COL4A1: variants seen among roughly 807,000 people sequenced by gnomAD.
COL4A1 encodes the protein collagen alpha-1(IV) chain.
In COL4A1, 40 loss-of-function variants were observed where a neutral mutation model predicts 216.6. That is an observed-to-expected ratio of 0.18 (90% CI 0.14 to 0.24). The LOEUF (loss-of-function observed/expected upper bound fraction) is 0.24. Ranked by LOEUF, COL4A1 falls within the 10% of genes least tolerant of loss-of-function variation. The probability of loss-of-function intolerance (pLI) is 1.00; values close to 1 mark genes in which losing one functional copy is unlikely to be tolerated. For synonymous variants in COL4A1, 839 were observed against 810.7 expected (o/e 1.03, Z -0.59); for missense variants, 1,628 against 2,196.8 (o/e 0.74, Z 5.18).
intron 21 of COL4A1, 78 bp from the exon 22 acceptor site, chr13:110,195,196 C>T (rs763431965): frequency 3.7e-5 from 44 of 1,185,550 alleles, no homozygotes; most frequent in Non-Finnish European, 5.5e-5. Context: ...TATTATAAAA[C>T]CAAAATATTT....
At chr13:110,227,360 G>A (rs1397613691) in intron 2 of COL4A1, among the ~76,000 whole-genome samples, 1 of 150,082 alleles carries the variant, frequency 6.7e-6, no homozygotes, top group East Asian at 2.0e-4. Flanking sequence ...TCAATTGGGC[G>A]ATAGATGACC....
In COL4A1 at chr13:110,164,452, A is replaced by G. The variant is rs111656034; in HGVS notation, c.4150+410T>C. On this transcript the variant is annotated intron_variant, in intron 46 of 51. Transcript: ENST00000375820. Reference sequence around the variant, plus strand: ...GACTATGTTAGGGTTTCAGGAAATAACAGAGAATTGTACAGACAGTGCCAA... The same window carrying G: ...GACTATGTTAGGGTTTCAGGAAATAGCAGAGAATTGTACAGACAGTGCCAA... Among the ~76,000 whole-genome samples the G allele has an allele frequency of 4.0e-3, 611 of 152,336 alleles. 18 individuals are homozygous for G. In the East Asian group the frequency reaches 0.077, roughly 19 times the overall value.
intron 40 of COL4A1, 135 bp downstream of exon 40, chr13:110,173,765 T>G (rs1250200461): frequency 2.5e-5 from 24 of 954,228 alleles, no homozygotes; most frequent in Non-Finnish European, 4.0e-5. Context: ...TCCACATCAG[T>G]GTTTAAGTAG....
At position 110,166,292 on chromosome 13, in the gene COL4A1, G is replaced by A. The variant is rs1489205141; in HGVS notation, c.3961C>T (p.Leu1321Phe). The stretch of plus-strand genomic sequence containing the variant: ...CCTTTAATTCCCTGGAGGCCAGGAA[G>A]ACCTTTTGGACCTAAAAGCAGAGGG... Reference protein sequence around the residue: ...GVPGFQGPKGLPGLQGIKGDQ... With the variant: ...GVPGFQGPKGFPGLQGIKGDQ... Residue 1321 changes from leucine to phenylalanine, a missense_variant, in exon 45 of 52, where the codon CTT becomes TTT. By Grantham distance (22) the Leu-to-Phe change is conservative. Transcript: ENST00000375820. 5.0e-6 allele frequency: 8 copies of A among 1,608,706 alleles called. No homozygotes were observed. Among genetic ancestry groups the A allele is most frequent in the Non-Finnish European group, 6.8e-6 (8 of 1,175,130 alleles).
chr13:110,284,874 A>T (rs1274909222), intron 1 of COL4A1, among the ~76,000 whole-genome samples: 1 of 152,252 alleles, frequency 6.6e-6, no homozygotes, highest in Non-Finnish European at 1.5e-5. Flanking sequence ...ATGAACAGTG[A>T]CAAGTGCCAG....
chr13:110,160,154 C>T (rs1001186738), intron 49 of COL4A1, among the ~76,000 whole-genome samples: 9 of 149,606 alleles, frequency 6.0e-5, no homozygotes, highest in Non-Finnish European at 8.9e-5. Context: ...TAAAAAAATT[C>T]ATAGGGGGCC....
At chr13:110,270,207 C>G (rs1057279901) in intron 1 of COL4A1, among the ~76,000 whole-genome samples, 7 of 152,226 alleles carry the variant, frequency 4.6e-5, no homozygotes, top group Non-Finnish European at 7.3e-5. Context: ...CTACCTGAAA[C>G]TGACCTGTGT....
At chr13:110,296,147 T>C (rs561823064) in intron 1 of COL4A1, among the ~76,000 whole-genome samples, 1 of 152,390 alleles carries the variant, frequency 6.6e-6, no homozygotes, top group South Asian at 2.1e-4. Flanking sequence ...TGAGTGGCTA[T>C]GATGGATCTC....
At chr13:110,218,086 G>C (rs1034673158) in intron 2 of COL4A1, among the ~76,000 whole-genome samples, 1 of 152,054 alleles carries the variant, frequency 6.6e-6, no homozygotes, top group African/African-American at 2.4e-5. Flanking sequence ...AAATACCCAG[G>C]ACAGCTGAAG....
intron 33 of COL4A1, 37 bp from the exon 34 acceptor site, chr13:110,177,074 C>T (rs1200819099): frequency 6.2e-7 from 1 of 1,610,940 alleles, no homozygotes; most frequent in Admixed American, 1.7e-5. Context: ...GAGCCTGGGC[C>T]AGTGTCACAG....
intron 21 of COL4A1, among the ~76,000 whole-genome samples, chr13:110,198,191 GT>G (rs1878996160): frequency 6.6e-6 from 1 of 151,642 alleles, no homozygotes; most frequent in African/African-American, 2.4e-5. Context: ...TAACTCAACA[GT>G]TTTGCTTTTT....
At chr13:110,190,127 C>A (rs1566360966) in intron 24 of COL4A1, among the ~76,000 whole-genome samples, 2 of 151,836 alleles carry the variant, frequency 1.3e-5, no homozygotes, top group African/African-American at 4.8e-5. Context: ...ACAATGATGA[C>A]CTTGCCTGCC....
At chr13:110,256,033 T>C (rs573808373) in intron 1 of COL4A1, among the ~76,000 whole-genome samples, 44 of 152,206 alleles carry the variant, frequency 2.9e-4, no homozygotes, top group Admixed American at 9.8e-4. Context: ...ATTAGACAAA[T>C]TTTATGTGAA....
intron 19 of COL4A1, 92 bp downstream of exon 19, chr13:110,201,346 G>GGAGGGGGGGGAGGA (rs1566369935): frequency 1.4e-6 from 1 of 691,648 alleles, no homozygotes; most frequent in African/African-American, 2.0e-5. Context: ...GGAGGAACAG[G>GGAGGGGGGGGAGGA]AGGAGGAGGA....
intron 47 of COL4A1, among the ~76,000 whole-genome samples, chr13:110,163,108 T>C (rs1877162381): frequency 6.6e-6 from 1 of 152,230 alleles, no homozygotes; most frequent in Non-Finnish European, 1.5e-5. Flanking sequence ...TCCCATGCCT[T>C]TGGGCCAATG....
Position 110,306,909 on chromosome 13 carries a change from C to A in COL4A1, c.84+35G>T, listed in dbSNP as rs1245268372. ...CCTCTCGGGGCGCCCAAGCTCGGGG[C>A]GGGACGCCGGGAGCGGAGCTGGCCG... On this transcript the variant is annotated intron_variant, in intron 1 of 51. Transcript: ENST00000375820. 3 of 1,441,028 alleles carry A rather than the reference C, an allele frequency of 2.1e-6. No homozygotes were observed. In the East Asian group the frequency reaches 9.0e-5, roughly 43 times the overall value. 89.3% of individuals were successfully genotyped at this position (1,441,028 alleles called of 1,614,324 possible). A position where few individuals can be genotyped will look rare whatever the true frequency, so the allele number is the denominator to read the frequency against.
In COL4A1 at chr13:110,227,913, G is replaced by C. The variant is rs531123142; in HGVS notation, c.145-13898C>G. Among the ~76,000 whole-genome samples, 14 of 152,344 alleles carry C rather than the reference G, an allele frequency of 9.2e-5. No homozygotes were observed. In the East Asian group the frequency reaches 2.7e-3, roughly 29 times the overall value. On this transcript the variant is annotated intron_variant, in intron 2 of 51. Coordinates refer to ENST00000375820, the MANE Select transcript of COL4A1 (RefSeq NM_001845.6). ...CGGGTCTCCGGGGAGGCCCGCTGTG[G>C]AGGAGCTGATCCCAGAGCCCTTCCT...
chr13:110,246,922 T>A lies in COL4A1; in HGVS notation c.85-4188A>T, dbSNP rs182091848. 5.9e-5 allele frequency among the ~76,000 whole-genome samples: 9 copies of A among 152,126 alleles called. No homozygotes were observed. The East Asian group carries it at 1.5e-3, about 26-fold the overall frequency. The stretch of plus-strand genomic sequence containing the variant: ...GGATGAAAGTGGGTCACGAAGGCAG[T>A]CTCCACTTGGAAGACGGGGAATATG... On this transcript the variant is annotated intron_variant, in intron 1 of 51. Transcript: ENST00000375820.
chr13:110,274,436 C>T (rs754846965), intron 1 of COL4A1, among the ~76,000 whole-genome samples: 2 of 152,176 alleles, frequency 1.3e-5, no homozygotes, highest in Non-Finnish European at 2.9e-5. Context: ...ACACAGCCCT[C>T]GGGAGGCTGG....
Sources: gnomAD v4.1 joint callset for allele counts (sites outside exome capture counted in the v4.1 genomes callset) on GRCh38, gnomAD v4.1.1 for gene constraint, MANE v1.5 for transcripts, NCBI Gene and HGNC (gene_info 2026-07-23, HGNC 2026-07-21) for gene names.